The following METTL16 variants were observed in gnomAD, a reference collection of about 807,000 sequenced individuals.
METTL16 encodes RNA N(6)-adenosine-methyltransferase METTL16.
A neutral mutation model predicts 57.9 loss-of-function variants in METTL16; 19 were observed. That is an observed-to-expected ratio of 0.33 (90% CI 0.23 to 0.48). The LOEUF (loss-of-function observed/expected upper bound fraction) is 0.48, where lower values mean the gene tolerates loss of function less well. Among genes scored for constraint, METTL16 ranks in the 20% least tolerant of loss-of-function variants. The probability of loss-of-function intolerance (pLI) is 0.99; values close to 1 mark genes in which losing one functional copy is unlikely to be tolerated. For synonymous variants in METTL16, 246 were observed against 255.6 expected (o/e 0.96, Z 0.36); for missense variants, 434 against 691.5 (o/e 0.63, Z 4.18).
intron 8 of METTL16, among the ~76,000 whole-genome samples, chr17:2,430,834 TC>T (rs2151545188): frequency 6.6e-6 from 1 of 152,260 alleles, no homozygotes; most frequent in East Asian, 1.9e-4. Context: ...CCTCTCATGC[TC>T]ATTGGCCATT....
intron 3 of METTL16, among the ~76,000 whole-genome samples, chr17:2,474,535 G>A (rs9892418): frequency 0.11 from 17,384 of 151,890 alleles, 3,228 homozygotes; most frequent in African/African-American, 0.39. Context: ...AGAGGCAAAC[G>A]CTCCATGCAA....
chr17:2,425,824 C>CTA (rs949352077), intron 8 of METTL16, among the ~76,000 whole-genome samples: 10 of 151,956 alleles, frequency 6.6e-5, no homozygotes. Flanking sequence ...GTAGCAGGGA[C>CTA]TATAGGTGTG....
chr17:2,468,582 T>C (rs946891474), intron 4 of METTL16, among the ~76,000 whole-genome samples: 2 of 152,308 alleles, frequency 1.3e-5, no homozygotes, highest in African/African-American at 4.8e-5. Flanking sequence ...TAAATGTTTA[T>C]TGTTTAAAGT....
intron 2 of METTL16, among the ~76,000 whole-genome samples, chr17:2,492,091 G>C (rs895901083): frequency 6.6e-6 from 1 of 150,798 alleles, no homozygotes; most frequent in Admixed American, 6.7e-5. Context: ...GGTGCCTGTA[G>C]TCCCAGCTAC....
At chr17:2,421,120 A>G (rs2066762542) in intron 8 of METTL16, among the ~76,000 whole-genome samples, 1 of 152,206 alleles carries the variant, frequency 6.6e-6, no homozygotes, top group East Asian at 1.9e-4. Flanking sequence ...TTGGGGGGCC[A>G]TGGCAGGAGC....
chr17:2,463,505 A>G (rs1250904724), intron 6 of METTL16, among the ~76,000 whole-genome samples: 1 of 152,064 alleles, frequency 6.6e-6, no homozygotes, highest in African/African-American at 2.4e-5. Flanking sequence ...TCTCTCACCC[A>G]GGCTGGAGCG....
chr17:2,496,509 T>G (rs1266373491), intron 2 of METTL16, among the ~76,000 whole-genome samples: 1 of 151,728 alleles, frequency 6.6e-6, no homozygotes, highest in Non-Finnish European at 1.5e-5. Context: ...TGCTAAGTCT[T>G]CATCTTCACT....
At chr17:2,482,865 C>T (rs2067316595) in intron 2 of METTL16, among the ~76,000 whole-genome samples, 1 of 151,996 alleles carries the variant, frequency 6.6e-6, no homozygotes, top group East Asian at 1.9e-4. Context: ...GAGCCAAGAT[C>T]CCATCACTGC....
chr17:2,446,524 T>C (rs1430994058), intron 6 of METTL16, among the ~76,000 whole-genome samples: 1 of 152,156 alleles, frequency 6.6e-6, no homozygotes, highest in Non-Finnish European at 1.5e-5. Flanking sequence ...GGCTCACACC[T>C]GTAATCTCAG....
At chr17:2,480,740 A>G (rs1425067777) in intron 2 of METTL16, among the ~76,000 whole-genome samples, 1 of 152,232 alleles carries the variant, frequency 6.6e-6, no homozygotes, top group Non-Finnish European at 1.5e-5. Flanking sequence ...GTGAATGAAG[A>G]AGGCTAACAA....
chr17:2,494,504 C>A (rs540899653), intron 2 of METTL16, among the ~76,000 whole-genome samples: 22 of 152,268 alleles, frequency 1.4e-4, no homozygotes, highest in Non-Finnish European at 1.3e-4. Context: ...CAGTAACTCT[C>A]ACAATATTTC....
chr17:2,498,416 A>G (rs1362127784), intron 2 of METTL16, among the ~76,000 whole-genome samples: 1 of 151,184 alleles, frequency 6.6e-6, no homozygotes, highest in Non-Finnish European at 1.5e-5. Flanking sequence ...GTCTCCAAAC[A>G]ATGCAAAACA....
intron 6 of METTL16, chr17:2,460,133 A>G (rs1412188103): frequency 2.6e-5 from 4 of 152,152 alleles, no homozygotes. Context: ...TTCACAAAAC[A>G]CTGTTCTAGT....
At chr17:2,498,636 G>C (rs2067464179) in intron 2 of METTL16, among the ~76,000 whole-genome samples, 1 of 151,404 alleles carries the variant, frequency 6.6e-6, no homozygotes, top group South Asian at 2.1e-4. Flanking sequence ...CTACTCAGGA[G>C]GCTGAGACAG....
chr17:2,451,918 G>A (rs1439194381), intron 6 of METTL16, among the ~76,000 whole-genome samples: 1 of 152,050 alleles, frequency 6.6e-6, no homozygotes, highest in South Asian at 2.1e-4. Context: ...GGCCGAGGCA[G>A]GTGGATCACT....
In METTL16 at chr17:2,442,157, T is replaced by C. The variant is rs1034921269; in HGVS notation, c.729-598A>G. Reference sequence around the variant, plus strand: ...ATTCTAAAAAGTTTGTAAAGGACCTTTGCTTCAGCCCATGAAAGATTAGTT... The same window carrying C: ...ATTCTAAAAAGTTTGTAAAGGACCTCTGCTTCAGCCCATGAAAGATTAGTT... On this transcript the variant is annotated intron_variant, in intron 6 of 9. Transcript: ENST00000263092. Among the ~76,000 whole-genome samples the C allele has an allele frequency of 7.2e-5, 11 of 152,222 alleles. No homozygotes were observed. The East Asian group carries it at 7.7e-4, about 11-fold the overall frequency.
intron 2 of METTL16, among the ~76,000 whole-genome samples, chr17:2,495,197 C>T (rs902788857): frequency 2.0e-5 from 3 of 151,564 alleles, no homozygotes. Context: ...CTGGGTGTGG[C>T]AGCACACACC....
At chr17:2,441,195 G>A (rs1005846101) in intron 7 of METTL16, among the ~76,000 whole-genome samples, 4 of 152,066 alleles carry the variant, frequency 2.6e-5, no homozygotes, top group African/African-American at 4.8e-5. Context: ...TGAAACAACT[G>A]AGACAAATAC....
intron 2 of METTL16, among the ~76,000 whole-genome samples, chr17:2,498,248 C>A (rs1228461029): frequency 6.7e-6 from 1 of 148,982 alleles, no homozygotes; most frequent in East Asian, 2.0e-4. Context: ...CCCGTCTCTA[C>A]TAAAAATACA....
Sources: gnomAD v4.1 joint callset for allele counts (sites outside exome capture counted in the v4.1 genomes callset) on GRCh38, gnomAD v4.1.1 for gene constraint, MANE v1.5 for transcripts, NCBI Gene and HGNC (gene_info 2026-07-23, HGNC 2026-07-21) for gene names.